SHQ1: variants seen among roughly 807,000 people sequenced by gnomAD.
SHQ1 encodes the protein SHQ1, H/ACA ribonucleoprotein assembly factor.
SHQ1 carries 49 observed loss-of-function variants against 53.8 expected under a neutral mutation model. The observed-to-expected ratio is 0.91, with a 90% CI of 0.72 to 1.16. The LOEUF is 1.16. SHQ1 is among the 50% of genes most tolerant of loss of function. The probability of loss-of-function intolerance (pLI) is 0.00; values close to 1 mark genes in which losing one functional copy is unlikely to be tolerated. For missense variants in SHQ1, 738 were observed against 683.1 expected (o/e 1.08, Z -0.90); for synonymous variants, 243 against 251.0 (o/e 0.97, Z 0.30).
intron 1 of SHQ1, among the ~76,000 whole-genome samples, chr3:72,847,514 C>T (rs918070055): frequency 1.3e-5 from 2 of 152,152 alleles, no homozygotes; most frequent in Non-Finnish European, 2.9e-5. Flanking sequence ...GTCCACCACA[C>T]TACGAGTTAT....
chr3:72,848,432 T>G lies in SHQ1; in HGVS notation c.-92A>C. ...TCTCCAACTCCCCACGCGCAGGAAC[T>G]CTCGGTGTGAGGGACGGAGCTTCCG... On this transcript the variant is annotated 5_prime_UTR_variant, in exon 1 of 11. Transcript: ENST00000325599. The G allele has an allele frequency of 3.2e-6, 5 of 1,541,474 alleles. 1 individual carries two copies. The South Asian group carries it at 6.0e-5, about 18-fold the overall frequency.
At chr3:72,726,736 G>A in the SHQ1 span, among the ~76,000 whole-genome samples, 1 of 152,190 alleles carries the variant, frequency 6.6e-6, no homozygotes. Flanking sequence ...TGAGGACCAT[G>A]ACAGATTGCA....
intron 9 of SHQ1, among the ~76,000 whole-genome samples, chr3:72,805,361 T>C (rs1329329480): frequency 2.0e-5 from 3 of 152,308 alleles, no homozygotes; most frequent in African/African-American, 4.8e-5. Flanking sequence ...TAATATACAA[T>C]AGGACTTTGA....
Position 72,776,412 on chromosome 3 carries a change from T to C in SHQ1, c.1181+16504A>G, listed in dbSNP as rs957769766. Among the ~76,000 whole-genome samples, 10 of 152,148 alleles carry C rather than the reference T, an allele frequency of 6.6e-5. No individual in the cohort carries two copies. The East Asian group carries it at 1.2e-3, about 18-fold the overall frequency. On this transcript the variant is annotated intron_variant, in intron 10 of 10. Coordinates refer to ENST00000325599, the MANE Select transcript of SHQ1 (RefSeq NM_018130.3). ...GTACAGGTTTGTAGCCTAGAAGCAATAGGCTACACCATAGAGCCTAGGTGT... is the reference window on the plus strand; with the variant it reads ...GTACAGGTTTGTAGCCTAGAAGCAACAGGCTACACCATAGAGCCTAGGTGT...
the SHQ1 span, among the ~76,000 whole-genome samples, chr3:72,727,063 C>T: frequency 6.6e-6 from 1 of 152,164 alleles, no homozygotes; most frequent in South Asian, 2.1e-4. Context: ...TGCCAAACTC[C>T]TGCTCCAGTT....
intron 8 of SHQ1, 25 bp downstream of exon 8, chr3:72,815,325 A>C (rs1249931192): frequency 1.2e-6 from 2 of 1,603,628 alleles, no homozygotes; most frequent in Non-Finnish European, 1.7e-6. Flanking sequence ...AACAAATTCT[A>C]AACAATTGCA....
chr3:72,732,204 C>T, the SHQ1 span, among the ~76,000 whole-genome samples: 58 of 151,656 alleles, frequency 3.8e-4, 2 homozygotes, highest in African/African-American at 1.4e-3. Flanking sequence ...GAGGAAGCCC[C>T]GTGCAGGCCT....
chr3:72,789,081 T>TAAAAAAAAAAAA (rs1205170855), intron 10 of SHQ1, among the ~76,000 whole-genome samples: 1 of 61,692 alleles, frequency 1.6e-5, no homozygotes. Flanking sequence ...CAATAAACAC[T>TAAAAAAAAAAAA]AAAAAAAAAA....
intron 6 of SHQ1, among the ~76,000 whole-genome samples, chr3:72,823,392 T>C (rs1707545329): frequency 6.6e-6 from 1 of 152,176 alleles, no homozygotes. Flanking sequence ...TGCATTGATA[T>C]GCAGAAAATA....
chr3:72,803,581 C>G (rs1293387843), intron 9 of SHQ1, among the ~76,000 whole-genome samples: 2 of 152,200 alleles, frequency 1.3e-5, no homozygotes, highest in Non-Finnish European at 2.9e-5. Flanking sequence ...TACAAAAGGG[C>G]TCCCCTCCAA....
At chr3:72,745,802 C>T (rs528060996), downstream of SHQ1, among the ~76,000 whole-genome samples, 50 of 151,984 alleles carry the variant, frequency 3.3e-4, no homozygotes, top group Admixed American at 2.7e-3. Flanking sequence ...TTTCTGTCTA[C>T]GGCCATACCA....
At chr3:72,846,183 T>A in intron 1 of SHQ1, 1 of 1,531,522 alleles carries the variant, frequency 6.5e-7, no homozygotes, top group Non-Finnish European at 8.8e-7. Context: ...TAGAGTTAAA[T>A]TCTTACTGCA....
chr3:72,767,135 G>A (rs537057517), intron 10 of SHQ1, among the ~76,000 whole-genome samples: 11 of 152,238 alleles, frequency 7.2e-5, no homozygotes, highest in Non-Finnish European at 1.2e-4. Flanking sequence ...TCCTCCACAC[G>A]GCCATCAGAC....
At chr3:72,779,498 G>T (rs1396487617) in intron 10 of SHQ1, among the ~76,000 whole-genome samples, 1 of 152,110 alleles carries the variant, frequency 6.6e-6, no homozygotes, top group Non-Finnish European at 1.5e-5. Flanking sequence ...TTTTGTGTAT[G>T]CAAGTATTTG....
At chr3:72,769,732 G>T (rs1446486826) in intron 10 of SHQ1, among the ~76,000 whole-genome samples, 1 of 152,160 alleles carries the variant, frequency 6.6e-6, no homozygotes, top group Non-Finnish European at 1.5e-5. Context: ...TGCAAATCTT[G>T]TCTTGTCTCT....
chr3:72,824,022 C>G (rs1364203518), intron 6 of SHQ1, among the ~76,000 whole-genome samples: 1 of 152,206 alleles, frequency 6.6e-6, no homozygotes, highest in Admixed American at 6.5e-5. Context: ...CCATCTAGGT[C>G]TTTTCCCACT....
downstream of SHQ1, among the ~76,000 whole-genome samples, chr3:72,749,059 G>A (rs896747307): frequency 4.0e-5 from 6 of 151,898 alleles, no homozygotes; most frequent in African/African-American, 1.5e-4. Flanking sequence ...TATAAAAATG[G>A]TAAAAGTTTA....
In SHQ1 at chr3:72,750,154, G is replaced by A; in HGVS notation, c.*130C>T. 1 of 793,492 alleles carries A rather than the reference G, an allele frequency of 1.3e-6. No homozygotes were observed. The highest frequency in any genetic ancestry group is 2.5e-5 in the East Asian group (1 of 39,272). The allele number at this position is 793,492 out of a possible 1,614,324, so 49.2% of individuals were successfully genotyped here. ...TCTGCAGTTGGTTGAATCCACAGAT[G>A]TGGAACACACAAATACAGTGGGCTG... On this transcript the variant is annotated 3_prime_UTR_variant, in exon 11 of 11. Transcript: ENST00000325599.
chr3:72,769,441 A>G (rs891337652), intron 10 of SHQ1, among the ~76,000 whole-genome samples: 22 of 152,168 alleles, frequency 1.4e-4, no homozygotes, highest in Non-Finnish European at 2.5e-4. Flanking sequence ...CATAGTCTGT[A>G]TATCTCAATA....
Sources: allele counts gnomAD v4.1 joint callset (sites outside exome capture counted in the v4.1 genomes callset), GRCh38; gene constraint gnomAD v4.1.1; transcripts MANE v1.5; gene names NCBI Gene and HGNC (gene_info 2026-07-23, HGNC 2026-07-21).